The following TMEM267 variants were observed in gnomAD, a reference collection of about 807,000 sequenced individuals.
TMEM267 encodes transmembrane protein C5orf28.
In TMEM267, 20 loss-of-function variants were observed where a neutral mutation model predicts 19.3. The ratio of observed to expected loss-of-function variants is 1.04; its 90% CI spans 0.73 to 1.51. The LOEUF is 1.51. TMEM267 is among the 40% of genes most tolerant of loss of function. TMEM267 has a pLI of 0.00. For synonymous variants in TMEM267, 88 were observed against 90.3 expected (o/e 0.97, Z 0.15); for missense variants, 242 against 261.9 (o/e 0.92, Z 0.52).
rs1211088144 is a variant in TMEM267 at position 43,453,977 on chromosome 5, A to G, written c.-8T>C. On this transcript the variant is annotated 5_prime_UTR_variant, in exon 2 of 3. Coordinates refer to ENST00000397080, the MANE Select transcript of TMEM267 (RefSeq NM_022483.5). ...TTCAGTCTCGGATGCCATGACAAAC[A>G]ATATGTTAGTATAGACTAAAAGCCA... 10 of 1,611,690 alleles carry G rather than the reference A, an allele frequency of 6.2e-6. No homozygotes were observed. The highest frequency in any genetic ancestry group is 5.3e-5 in the African/African-American group (4 of 74,798).
At chr5:43,464,986 C>T (rs996822900) in intron 1 of TMEM267, among the ~76,000 whole-genome samples, 5 of 152,116 alleles carry the variant, frequency 3.3e-5, no homozygotes, top group African/African-American at 1.2e-4. Context: ...AGCTTCTGCA[C>T]AGCAAAAGAA....
intron 1 of TMEM267, among the ~76,000 whole-genome samples, chr5:43,471,821 C>A (rs1276317778): frequency 6.6e-6 from 1 of 152,102 alleles, no homozygotes; most frequent in Non-Finnish European, 1.5e-5. Flanking sequence ...TAAATCTATA[C>A]TTCAAACTAT....
At chr5:43,457,106 CA>C (rs1183042021) in intron 1 of TMEM267, among the ~76,000 whole-genome samples, 1 of 152,098 alleles carries the variant, frequency 6.6e-6, no homozygotes, top group Non-Finnish European at 1.5e-5. Flanking sequence ...GTCAAACAAA[CA>C]AAAATTACAC....
At chr5:43,448,645 G>C (rs1242468099) in intron 2 of TMEM267, among the ~76,000 whole-genome samples, 1 of 151,994 alleles carries the variant, frequency 6.6e-6, no homozygotes, top group Non-Finnish European at 1.5e-5. Flanking sequence ...GCATGGTGGT[G>C]CATGCCTGTA....
At chr5:43,468,226 G>T (rs1348651352) in intron 1 of TMEM267, among the ~76,000 whole-genome samples, 3 of 152,102 alleles carry the variant, frequency 2.0e-5, no homozygotes, top group Admixed American at 6.6e-5. Context: ...CAGGTGCAGG[G>T]GCTTTAAGAC....
chr5:43,460,637 G>T (rs983600089), intron 1 of TMEM267, among the ~76,000 whole-genome samples: 1 of 152,138 alleles, frequency 6.6e-6, no homozygotes, highest in Non-Finnish European at 1.5e-5. Flanking sequence ...GGCAGAGTGG[G>T]GCAGAGAGCA....
chr5:43,464,360 C>T (rs1343940927), intron 1 of TMEM267, among the ~76,000 whole-genome samples: 1 of 152,050 alleles, frequency 6.6e-6, no homozygotes, highest in African/African-American at 2.4e-5. Flanking sequence ...GAATCAATAT[C>T]GTGAAAATGG....
At chr5:43,462,122 G>T (rs1170325592) in intron 1 of TMEM267, among the ~76,000 whole-genome samples, 1 of 152,226 alleles carries the variant, frequency 6.6e-6, no homozygotes, top group Non-Finnish European at 1.5e-5. Flanking sequence ...AGTAAAGGAA[G>T]AGAACAAGAG....
chr5:43,483,623 C>G (rs1469545734), intron 1 of TMEM267, among the ~76,000 whole-genome samples, 199 bp downstream of exon 1: 1 of 152,208 alleles, frequency 6.6e-6, no homozygotes, highest in Non-Finnish European at 1.5e-5. Flanking sequence ...ACGGTGCCGG[C>G]TCGTGGGTCA....
chr5:43,465,783 A>T (rs1051969074), intron 1 of TMEM267, among the ~76,000 whole-genome samples: 3 of 152,150 alleles, frequency 2.0e-5, no homozygotes, highest in Non-Finnish European at 4.4e-5. Flanking sequence ...GAAGGGGAAC[A>T]TCACACACTG....
chr5:43,447,554 G>T (rs1742328300), intron 2 of TMEM267, among the ~76,000 whole-genome samples: 1 of 152,114 alleles, frequency 6.6e-6, no homozygotes, highest in Non-Finnish European at 1.5e-5. Context: ...TAAAGCTGAG[G>T]ATAGTTATGA....
chr5:43,474,079 T>A (rs558500125), intron 1 of TMEM267, among the ~76,000 whole-genome samples: 1 of 152,304 alleles, frequency 6.6e-6, no homozygotes, highest in African/African-American at 2.4e-5. Context: ...AAGCTGAAAC[T>A]GGATCCCTTC....
chr5:43,481,563 A>C (rs546251387), intron 1 of TMEM267, among the ~76,000 whole-genome samples: 2 of 152,328 alleles, frequency 1.3e-5, no homozygotes, highest in African/African-American at 4.8e-5. Context: ...GTTTACAAAA[A>C]ACTGTATCAC....
At chr5:43,447,413 C>T (rs1742314939) in intron 2 of TMEM267, among the ~76,000 whole-genome samples, 1 of 152,042 alleles carries the variant, frequency 6.6e-6, no homozygotes. Flanking sequence ...TTCTAAACCA[C>T]TACCAAAATG....
At chr5:43,446,667 A>T in intron 2 of TMEM267, 110 bp from the exon 3 acceptor site, 1 of 629,978 alleles carries the variant, frequency 1.6e-6, no homozygotes, top group East Asian at 2.8e-5. Context: ...GACATGCAAA[A>T]GAAACATGTT....
chr5:43,453,830 C>A lies in TMEM267; in HGVS notation c.140G>T (p.Trp47Leu). 1 of 1,614,096 alleles carries A rather than the reference C, an allele frequency of 6.2e-7. No homozygotes were observed. The highest frequency in any genetic ancestry group is 8.5e-7 in the Non-Finnish European group (1 of 1,180,006). Residue 47 changes from tryptophan to leucine, a missense_variant, in exon 2 of 3, where the codon TGG becomes TTG. Transcript: ENST00000397080. The part of the protein sequence containing the change: ...LQFSTIQQND[W>L]LRALSDNAVH... Reference sequence around the variant, plus strand: ...TGCATTATCTGAGAGAGCACGAAGCCAGTCATTTTGCTGAATTGTGGAAAA... The same window carrying A: ...TGCATTATCTGAGAGAGCACGAAGCAAGTCATTTTGCTGAATTGTGGAAAA...
intron 1 of TMEM267, among the ~76,000 whole-genome samples, chr5:43,472,394 A>G (rs1744135425): frequency 6.6e-6 from 1 of 152,216 alleles, no homozygotes; most frequent in African/African-American, 2.4e-5. Context: ...GTTCCTCAAA[A>G]AACTAAAAAT....
chr5:43,476,218 G>T (rs1022083017), intron 1 of TMEM267: 1 of 152,204 alleles, frequency 6.6e-6, no homozygotes, highest in Non-Finnish European at 1.5e-5. Flanking sequence ...CTCTGACATC[G>T]AAAGTGTCAT....
rs573945405 is a variant in TMEM267, at chr5:43,464,531, C to T, written c.-74-10488G>A. Among the ~76,000 whole-genome samples the T allele has an allele frequency of 1.8e-4, 27 of 152,394 alleles. No homozygotes were observed. The South Asian group carries it at 5.6e-3, about 32-fold the overall frequency. On this transcript the variant is annotated intron_variant, in intron 1 of 2. Transcript: ENST00000397080. ...TAAGCCAAAAGAACAAAGCCAGAGG[C>T]ATCACGCTACCTGACTTCAAACTAT...
Sources: allele counts gnomAD v4.1 joint callset (sites outside exome capture counted in the v4.1 genomes callset), GRCh38; gene constraint gnomAD v4.1.1; transcripts MANE v1.5; gene names NCBI Gene and HGNC (gene_info 2026-07-23, HGNC 2026-07-21).